CAMK1D: variants seen among roughly 807,000 people sequenced by gnomAD.
CAMK1D encodes calcium/calmodulin-dependent protein kinase type 1D.
In CAMK1D, 9 loss-of-function variants were observed where a neutral mutation model predicts 47.7. That is an observed-to-expected ratio of 0.19 (90% CI 0.11 to 0.33). The LOEUF (loss-of-function observed/expected upper bound fraction) is 0.33, where lower values mean the gene tolerates loss of function less well. CAMK1D is among the 10% of genes least tolerant of loss of function. The pLI, the probability that CAMK1D is intolerant of heterozygous loss-of-function variation, is 1.00. For missense variants in CAMK1D, 291 were observed against 488.7 expected, an observed-to-expected ratio of 0.60 and a Z score of 3.81; for synonymous variants, 184 against 184.9, an observed-to-expected ratio of 0.99 and a Z score of 0.04.
rs574614810 is a variant in CAMK1D, at chr10:12,754,918, G to A, written c.300-6030G>A. On this transcript the variant is annotated intron_variant, in intron 3 of 10. Coordinates refer to ENST00000619168, the MANE Select transcript of CAMK1D (RefSeq NM_153498.4). ...ATTCTGAGGTGTACTGGGGGGTCAGGACTTTACCATATGGATTTTAGGGGT... is the reference window on the plus strand; with the variant it reads ...ATTCTGAGGTGTACTGGGGGGTCAGAACTTTACCATATGGATTTTAGGGGT... 3.3e-5 allele frequency among the ~76,000 whole-genome samples: 5 copies of A among 152,218 alleles called. No homozygotes were observed. The South Asian group carries it at 1.0e-3, about 32-fold the overall frequency.
intron 3 of CAMK1D, among the ~76,000 whole-genome samples, chr10:12,669,132 T>A (rs1165202471): frequency 6.6e-6 from 1 of 152,110 alleles, no homozygotes; most frequent in Non-Finnish European, 1.5e-5. Flanking sequence ...CTCAGGAGGC[T>A]GAGGCAGGAA....
At chr10:12,484,730 T>C (rs1834160928) in intron 1 of CAMK1D, among the ~76,000 whole-genome samples, 3 of 149,978 alleles carry the variant, frequency 2.0e-5, no homozygotes, top group African/African-American at 7.4e-5. Flanking sequence ...GCCTAGCTTG[T>C]GGCTCTCTTG....
At chr10:12,514,659 C>G (rs1307381633) in intron 1 of CAMK1D, among the ~76,000 whole-genome samples, 9 of 152,148 alleles carry the variant, frequency 5.9e-5, no homozygotes, top group Non-Finnish European at 1.2e-4. Context: ...TCCATGGGTT[C>G]CCTGATGTAG....
At chr10:12,528,455 C>T (rs1340422972) in intron 1 of CAMK1D, among the ~76,000 whole-genome samples, 1 of 152,178 alleles carries the variant, frequency 6.6e-6, no homozygotes, top group African/African-American at 2.4e-5. Flanking sequence ...GTGCCAGTAG[C>T]ATTCTATAGT....
Position 12,835,082 on chromosome 10 carries a change from G to C in CAMK1D, c.*6195G>C, listed in dbSNP as rs1202356764. Reference sequence around the variant, plus strand: ...GAAAGATGGGGCGCCATGTTTCAGAGAACATTTATCTTAGTCCCACGTTCA... The same window carrying C: ...GAAAGATGGGGCGCCATGTTTCAGACAACATTTATCTTAGTCCCACGTTCA... On this transcript the variant is annotated 3_prime_UTR_variant, in exon 11 of 11. Transcript: ENST00000619168. 6.6e-6 allele frequency: 1 copy of C among 152,218 alleles called. No homozygotes were observed. The highest frequency in any genetic ancestry group is 1.5e-5 in the Non-Finnish European group (1 of 68,038). 9.4% of individuals were successfully genotyped at this position (152,218 alleles called of 1,614,324 possible). A position where few individuals can be genotyped will look rare whatever the true frequency, so the allele number is the denominator to read the frequency against.
chr10:12,740,835 C>T (rs191457547), intron 3 of CAMK1D, among the ~76,000 whole-genome samples: 8 of 152,274 alleles, frequency 5.3e-5, no homozygotes, highest in East Asian at 1.9e-4. Flanking sequence ...ATAACAAAAG[C>T]GGTCACTCAC....
chr10:12,488,789 G>T (rs117266721), intron 1 of CAMK1D, among the ~76,000 whole-genome samples: 1 of 152,122 alleles, frequency 6.6e-6, no homozygotes. Flanking sequence ...TCACAATAGG[G>T]TTCATACTCC....
At chr10:12,753,316 C>T (rs1836074036) in intron 3 of CAMK1D, among the ~76,000 whole-genome samples, 1 of 152,148 alleles carries the variant, frequency 6.6e-6, no homozygotes, top group Non-Finnish European at 1.5e-5. Context: ...TTAATACATT[C>T]GAGAACATCT....
intron 2 of CAMK1D, among the ~76,000 whole-genome samples, chr10:12,589,456 A>G (rs759180923): frequency 3.9e-5 from 6 of 152,336 alleles, no homozygotes; most frequent in Non-Finnish European, 8.8e-5. Context: ...GCTGAGCTTC[A>G]CTGACCGTGC....
chr10:12,703,145 C>A (rs145654811), intron 3 of CAMK1D, among the ~76,000 whole-genome samples: 3 of 152,262 alleles, frequency 2.0e-5, no homozygotes, highest in African/African-American at 7.2e-5. Flanking sequence ...TCAAATACAC[C>A]CGGGATTTTT....
At chr10:12,738,699 G>A (rs1236014747) in intron 3 of CAMK1D, among the ~76,000 whole-genome samples, 1 of 152,024 alleles carries the variant, frequency 6.6e-6, no homozygotes, top group East Asian at 1.9e-4. Flanking sequence ...GGGCGTGGTG[G>A]CTCGCACCTG....
At chr10:12,726,354 G>A (rs1056996544) in intron 3 of CAMK1D, among the ~76,000 whole-genome samples, 1 of 151,988 alleles carries the variant, frequency 6.6e-6, no homozygotes, top group Non-Finnish European at 1.5e-5. Flanking sequence ...AACCTGGGAG[G>A]CAGAGGTTGC....
intron 2 of CAMK1D, among the ~76,000 whole-genome samples, chr10:12,598,026 G>A (rs944776610): frequency 6.6e-6 from 1 of 152,320 alleles, no homozygotes; most frequent in Non-Finnish European, 1.5e-5. Context: ...CATTAAGATG[G>A]ACGATGCCGT....
In CAMK1D at chr10:12,590,947, A is replaced by G. The variant is rs1588667504; in HGVS notation, c.224+37591A>G. Reference sequence around the variant, plus strand: ...TTGCTGACAATTGTTTTAGCTACCTATTGTGGTACATTTAAATTGCATCAA... The same window carrying G: ...TTGCTGACAATTGTTTTAGCTACCTGTTGTGGTACATTTAAATTGCATCAA... On this transcript the variant is annotated intron_variant, in intron 2 of 10. Coordinates refer to ENST00000619168, the MANE Select transcript of CAMK1D (RefSeq NM_153498.4). Among the ~76,000 whole-genome samples the G allele has an allele frequency of 2.0e-5, 3 of 152,296 alleles. No homozygotes were observed. The East Asian group carries it at 5.8e-4, about 29-fold the overall frequency.
At chr10:12,568,426 C>G (rs1263277572) in intron 2 of CAMK1D, among the ~76,000 whole-genome samples, 1 of 41,870 alleles carries the variant, frequency 2.4e-5, no homozygotes, top group East Asian at 5.6e-4. Context: ...TCCCCTCACC[C>G]TCCCCTCCCC....
intron 3 of CAMK1D, among the ~76,000 whole-genome samples, chr10:12,702,433 C>G (rs1248764545): frequency 6.6e-6 from 1 of 152,190 alleles, no homozygotes; most frequent in Non-Finnish European, 1.5e-5. Flanking sequence ...CTCTTGAGAG[C>G]TACTTGAAGA....
chr10:12,754,784 C>G (rs1178007736), intron 3 of CAMK1D, among the ~76,000 whole-genome samples: 1 of 152,172 alleles, frequency 6.6e-6, no homozygotes, highest in Non-Finnish European at 1.5e-5. Flanking sequence ...TTCCCAGTGT[C>G]TCTTCCTCTT....
intron 3 of CAMK1D, among the ~76,000 whole-genome samples, chr10:12,729,913 G>A (rs924256475): frequency 9.0e-5 from 13 of 144,964 alleles, no homozygotes; most frequent in African/African-American, 3.0e-4. Flanking sequence ...TAGGGGTTGA[G>A]ATGTAACAGG....
chr10:12,515,006 A>G (rs941401164), intron 1 of CAMK1D, among the ~76,000 whole-genome samples: 3 of 146,898 alleles, frequency 2.0e-5, no homozygotes, highest in Non-Finnish European at 4.5e-5. Flanking sequence ...GTGCACCACC[A>G]CACCTGGCTA....
Sources: gnomAD v4.1 joint callset for allele counts (sites outside exome capture counted in the v4.1 genomes callset) on GRCh38, gnomAD v4.1.1 for gene constraint, MANE v1.5 for transcripts, NCBI Gene and HGNC (gene_info 2026-07-23, HGNC 2026-07-21) for gene names.